Variants in DYNC1I1 observed in about 807,000 individuals in gnomAD.
DYNC1I1 encodes the protein dynein cytoplasmic 1 intermediate chain 1.
DYNC1I1 carries 43 observed loss-of-function variants against 86.6 expected under a neutral mutation model. The ratio of observed to expected loss-of-function variants is 0.50; its 90% confidence interval spans 0.39 to 0.64. DYNC1I1 has a LOEUF of 0.64. Among genes scored for constraint, DYNC1I1 ranks in the 30% least tolerant of loss-of-function variants. The probability of loss-of-function intolerance (pLI) is 0.00; values close to 1 mark genes in which losing one functional copy is unlikely to be tolerated. For missense variants in DYNC1I1, 604 were observed against 788.8 expected (o/e 0.77, Z 2.81); for synonymous variants, 262 against 283.7 (o/e 0.92, Z 0.77).
At chr7:95,832,467 C>A (rs967569462) in intron 5 of DYNC1I1, among the ~76,000 whole-genome samples, 1 of 151,752 alleles carries the variant, frequency 6.6e-6, no homozygotes, top group Non-Finnish European at 1.5e-5. Context: ...GATTTATAGT[C>A]CTTTGGATAT....
intron 9 of DYNC1I1, among the ~76,000 whole-genome samples, chr7:95,988,363 A>G (rs1470159187): frequency 1.3e-5 from 2 of 152,152 alleles, no homozygotes; most frequent in Non-Finnish European, 2.9e-5. Flanking sequence ...CATCTCAAAA[A>G]ACAAAAAACA....
intron 5 of DYNC1I1, among the ~76,000 whole-genome samples, chr7:95,861,453 G>A (rs1038014544): frequency 6.6e-6 from 1 of 152,068 alleles, no homozygotes; most frequent in Non-Finnish European, 1.5e-5. Flanking sequence ...TGCACAAAAG[G>A]TATAATATTC....
chr7:95,898,795 T>A (rs1790957967), intron 6 of DYNC1I1, among the ~76,000 whole-genome samples: 1 of 152,206 alleles, frequency 6.6e-6, no homozygotes, highest in South Asian at 2.1e-4. Flanking sequence ...AACGCTTTCA[T>A]GAGCTTAAAG....
intron 6 of DYNC1I1, among the ~76,000 whole-genome samples, chr7:95,972,871 T>G (rs1364567367): frequency 6.6e-6 from 1 of 152,160 alleles, no homozygotes; most frequent in Non-Finnish European, 1.5e-5. Context: ...AAGACAGTGG[T>G]TACCAAAGAT....
intron 14 of DYNC1I1, among the ~76,000 whole-genome samples, chr7:96,048,602 C>A (rs1562985093): frequency 6.6e-6 from 1 of 152,192 alleles, no homozygotes; most frequent in African/African-American, 2.4e-5. Context: ...ATGCCCTAAA[C>A]CACCGTAAAG....
intron 1 of DYNC1I1, among the ~76,000 whole-genome samples, chr7:95,780,413 G>A (rs192012610): frequency 0.011 from 1,625 of 148,330 alleles, 22 homozygotes; most frequent in African/African-American, 0.019. Flanking sequence ...GACTACAGGC[G>A]CCCACCACCA....
intron 6 of DYNC1I1, among the ~76,000 whole-genome samples, chr7:95,953,623 A>T (rs1041067935): frequency 6.6e-6 from 1 of 152,212 alleles, no homozygotes; most frequent in African/African-American, 2.4e-5. Context: ...TGAAACTAGA[A>T]AGAACTGTCA....
downstream of DYNC1I1, among the ~76,000 whole-genome samples, chr7:96,100,154 G>A (rs1324049801): frequency 2.6e-5 from 4 of 152,138 alleles, no homozygotes; most frequent in African/African-American, 7.2e-5. Flanking sequence ...GCATGCTCTT[G>A]CCAGCCAAGA....
At chr7:96,042,769 A>C (rs924244584) in intron 14 of DYNC1I1, among the ~76,000 whole-genome samples, 1 of 152,224 alleles carries the variant, frequency 6.6e-6, no homozygotes, top group Non-Finnish European at 1.5e-5. Flanking sequence ...AAATGAAAGA[A>C]TAAAACATGT....
intron 6 of DYNC1I1, among the ~76,000 whole-genome samples, chr7:95,968,356 C>T (rs924719154): frequency 1.3e-5 from 2 of 152,132 alleles, no homozygotes; most frequent in Non-Finnish European, 2.9e-5. Context: ...GATGTGACAA[C>T]AGCTCTAACA....
Position 95,842,184 on chromosome 7 carries a change from G to A in DYNC1I1, c.374+14068G>A, listed in dbSNP as rs554770832. On this transcript the variant is annotated intron_variant, in intron 5 of 16. Coordinates refer to ENST00000447467, the MANE Select transcript of DYNC1I1 (RefSeq NM_001135556.2). Reference sequence around the variant, plus strand: ...GCTTTTCTTACTGTTGCACCCGAGCGAGTTAGGGAAACGCCACATTTGAGA... The same window carrying A: ...GCTTTTCTTACTGTTGCACCCGAGCAAGTTAGGGAAACGCCACATTTGAGA... Among the ~76,000 whole-genome samples, 9 of 152,258 alleles carry A rather than the reference G, an allele frequency of 5.9e-5. No individual in the cohort carries two copies. The South Asian group carries it at 1.5e-3, about 25-fold the overall frequency.
At chr7:95,992,768 C>T (rs1793762916) in intron 9 of DYNC1I1, among the ~76,000 whole-genome samples, 1 of 152,044 alleles carries the variant, frequency 6.6e-6, no homozygotes, top group Non-Finnish European at 1.5e-5. Flanking sequence ...TACAGGCACA[C>T]ACAACCTGGC....
At chr7:96,079,838 T>G (rs1367664882) in intron 15 of DYNC1I1, among the ~76,000 whole-genome samples, 5 of 152,180 alleles carry the variant, frequency 3.3e-5, no homozygotes, top group Admixed American at 1.3e-4. Flanking sequence ...GTTTTCCTTT[T>G]TTCTTCTGAT....
At chr7:95,804,286 A>T (rs1177718740) in intron 1 of DYNC1I1, 1 of 1,004,892 alleles carries the variant, frequency 1.0e-6, no homozygotes, top group Non-Finnish European at 1.3e-6. Context: ...AGCAGGGCAT[A>T]TCTCTAGGGG....
chr7:95,954,942 A>G (rs1420122532), intron 6 of DYNC1I1, among the ~76,000 whole-genome samples: 11 of 142,270 alleles, frequency 7.7e-5, no homozygotes, highest in Non-Finnish European at 4.7e-5. Context: ...AAAAAAAGAT[A>G]TATGGACAAT....
intron 14 of DYNC1I1, among the ~76,000 whole-genome samples, chr7:96,061,710 TCTCA>T (rs753605460): frequency 1.7e-4 from 19 of 112,712 alleles, no homozygotes; most frequent in South Asian, 1.4e-3. Context: ...TCTCTCTCTC[TCTCA>T]CACACACACA....
chr7:95,933,894 G>A (rs1414072694), intron 6 of DYNC1I1, among the ~76,000 whole-genome samples: 10 of 152,074 alleles, frequency 6.6e-5, no homozygotes, highest in East Asian at 3.9e-4. Context: ...AATGAAACCC[G>A]ACACTTAGAG....
intron 10 of DYNC1I1, among the ~76,000 whole-genome samples, chr7:96,010,538 C>T (rs1307765998): frequency 6.6e-6 from 1 of 152,142 alleles, no homozygotes; most frequent in African/African-American, 2.4e-5. Flanking sequence ...ACTATTTAGA[C>T]AAGTGAGTGA....
At chr7:95,946,198 T>G (rs1428649451) in intron 6 of DYNC1I1, among the ~76,000 whole-genome samples, 3 of 151,956 alleles carry the variant, frequency 2.0e-5, no homozygotes, top group Non-Finnish European at 4.4e-5. Flanking sequence ...CTAATGCATG[T>G]GGGGCTTAAT....
Sources: gnomAD v4.1 joint callset for allele counts (sites outside exome capture counted in the v4.1 genomes callset) on GRCh38, gnomAD v4.1.1 for gene constraint, MANE v1.5 for transcripts, NCBI Gene and HGNC (gene_info 2026-07-23, HGNC 2026-07-21) for gene names.